The following EEIG1 variants were observed in gnomAD, a reference collection of about 807,000 sequenced individuals.
The protein encoded by EEIG1 is estrogen-induced osteoclastogenesis regulator 1.
the EEIG1 span, among the ~76,000 whole-genome samples, chr9:127,955,666 G>A: frequency 2.0e-5 from 3 of 152,368 alleles, no homozygotes; most frequent in South Asian, 6.2e-4. Context: ...GAATGAGCCT[G>A]GGGAGTAGCC....
chr9:127,964,569 A>G, the EEIG1 span, among the ~76,000 whole-genome samples: 1 of 152,222 alleles, frequency 6.6e-6, no homozygotes, highest in African/African-American at 2.4e-5. Flanking sequence ...GGCAACCCTC[A>G]CAGGAGCAGA....
At chr9:127,945,033 G>A in the EEIG1 span, 3 of 1,081,784 alleles carry the variant, frequency 2.8e-6, no homozygotes. The surrounding 1 kb of genome is among the most constrained non-coding windows in gnomAD (Gnocchi z 6.5). Context: ...GTACTTCACT[G>A]AAACCTCACA....
the EEIG1 span, chr9:127,950,614 C>A: frequency 4.5e-6 from 7 of 1,572,990 alleles, no homozygotes; most frequent in Non-Finnish European, 6.0e-6. Context: ...AGAAGGGTAA[C>A]TTGGCAAAAG....
At chr9:127,961,844 C>T in the EEIG1 span, among the ~76,000 whole-genome samples, 114 of 148,702 alleles carry the variant, frequency 7.7e-4, no homozygotes, top group South Asian at 6.2e-3. Flanking sequence ...GAATGTCTGT[C>T]GCGTTTGAGG....
the EEIG1 span, among the ~76,000 whole-genome samples, chr9:127,971,000 G>A: frequency 4.6e-5 from 7 of 152,202 alleles, no homozygotes; most frequent in Admixed American, 3.9e-4. Flanking sequence ...CACACCAGAA[G>A]GAGCCCAAGA....
the EEIG1 span, chr9:127,945,861 T>C: frequency 7.2e-5 from 53 of 733,870 alleles, no homozygotes; most frequent in Admixed American, 4.7e-5. This position sits in a 1 kb window ranked among gnomAD's most constrained non-coding sequence, Gnocchi z 6.5. Flanking sequence ...CAGGGCGCCA[T>C]TTAACAGACT....
At chr9:127,943,170 C>G in the EEIG1 span, 1 of 1,613,428 alleles carries the variant, frequency 6.2e-7, no homozygotes, top group Non-Finnish European at 8.5e-7. Flanking sequence ...CAGGACTCTT[C>G]TCCAGCCCGG....
At chr9:127,971,068 T>C in the EEIG1 span, among the ~76,000 whole-genome samples, 32 of 152,278 alleles carry the variant, frequency 2.1e-4, 1 homozygote, top group African/African-American at 7.5e-4. Flanking sequence ...GCCCCACACC[T>C]GCAGAGTCTG....
chr9:127,949,364 T>C, the EEIG1 span, among the ~76,000 whole-genome samples: 1 of 150,514 alleles, frequency 6.6e-6, no homozygotes, highest in Non-Finnish European at 1.5e-5. Flanking sequence ...AGGCTTTCTA[T>C]GGCTTATTCA....
chr9:127,953,287 A>ATAG, the EEIG1 span: 3 of 485,828 alleles, frequency 6.2e-6, no homozygotes, highest in African/African-American at 5.8e-5. Flanking sequence ...GAAAGGTCTT[A>ATAG]ATCTATCCAA....
the EEIG1 span, among the ~76,000 whole-genome samples, chr9:127,960,946 G>A: frequency 2.0e-5 from 3 of 150,328 alleles, no homozygotes; most frequent in African/African-American, 4.9e-5. Flanking sequence ...AAGCAGCCTC[G>A]CCCTGGCCCA....
chr9:127,950,361 G>GAA, the EEIG1 span: 2 of 1,536,414 alleles, frequency 1.3e-6, no homozygotes, highest in East Asian at 4.5e-5. Context: ...GGATTCTGAT[G>GAA]AGCAGCCTGG....
chr9:127,949,243 G>A, the EEIG1 span, among the ~76,000 whole-genome samples: 13 of 151,078 alleles, frequency 8.6e-5, no homozygotes, highest in Non-Finnish European at 1.8e-4. Context: ...GAACCTGGGA[G>A]GTGGAGCTTG....
At chr9:127,953,438 T>C in the EEIG1 span, 3 of 731,096 alleles carry the variant, frequency 4.1e-6, no homozygotes, top group Non-Finnish European at 4.8e-6. Context: ...AATAAAGATA[T>C]TTCTAAAAAA....
the EEIG1 span, among the ~76,000 whole-genome samples, chr9:127,965,460 G>T: frequency 6.6e-6 from 1 of 152,182 alleles, no homozygotes; most frequent in Non-Finnish European, 1.5e-5. Flanking sequence ...TCTGACAGGC[G>T]TGTGGAACTC....
the EEIG1 span, chr9:127,948,457 G>A: frequency 6.3e-7 from 1 of 1,598,674 alleles, no homozygotes; most frequent in Non-Finnish European, 8.6e-7. Flanking sequence ...ACCACCCACA[G>A]CCTGCCCAGG....
chr9:127,959,220 T>C, the EEIG1 span, among the ~76,000 whole-genome samples: 1 of 152,206 alleles, frequency 6.6e-6, no homozygotes, highest in East Asian at 1.9e-4. Context: ...CACAGAATTA[T>C]TCATAACCAA....
chr9:127,968,403 G>A, the EEIG1 span, among the ~76,000 whole-genome samples: 1 of 152,168 alleles, frequency 6.6e-6, no homozygotes, highest in African/African-American at 2.4e-5. Context: ...CTGGGTCTTA[G>A]GTTCCTGTCT....
the EEIG1 span, chr9:127,943,346 C>T: frequency 7.3e-6 from 8 of 1,089,690 alleles, no homozygotes; most frequent in Non-Finnish European, 1.1e-5. Flanking sequence ...GTTAACCAGC[C>T]CTGTGTTGCA....
Sources: allele counts gnomAD v4.1 joint callset (sites outside exome capture counted in the v4.1 genomes callset), GRCh38; gene constraint gnomAD v4.1.1; non-coding constraint Gnocchi (gnomAD v3.1); transcripts MANE v1.5; gene names NCBI Gene and HGNC (gene_info 2026-07-23, HGNC 2026-07-21).